Variants in STEAP1B observed in about 807,000 individuals in gnomAD.
The protein encoded by STEAP1B is STEAP family member 1B.
STEAP1B carries 13 observed loss-of-function variants against 27.9 expected under a neutral mutation model. The observed-to-expected ratio is 0.47, with a 90% CI of 0.30 to 0.74. STEAP1B has a LOEUF of 0.74. Among genes scored for constraint, STEAP1B ranks in the 30% least tolerant of loss-of-function variants. The pLI is 0.06. For missense variants in STEAP1B, 250 were observed against 298.7 expected (o/e 0.84, Z 1.20); for synonymous variants, 86 against 107.1 (o/e 0.80, Z 1.22).
chr7:22,493,702 C>G lies in STEAP1B; in HGVS notation c.219G>C (p.Leu73Phe), dbSNP rs1296429527. The change falls in exon 3 of 5, where the codon TTG becomes TTC. Residue 73 changes from leucine to phenylalanine, a missense_variant. Coordinates refer to ENST00000678116, the MANE Select transcript of STEAP1B (RefSeq NM_001382447.1). ...HAQELFPQWH[L>F]PIKIAAVMAS... ...CCATAACAGCAGCTATTTTAATTGG[C>G]AAGTGCCACTGTGGAAAGAGTTCCT... is the stretch of plus-strand genomic sequence containing the variant. 2 of 1,613,868 alleles carry G rather than the reference C, an allele frequency of 1.2e-6. No individual in the cohort carries two copies. The highest frequency in any genetic ancestry group is 2.7e-5 in the African/African-American group (2 of 74,934).
chr7:22,438,452 T>C, intron 4 of STEAP1B: 1 of 1,530,428 alleles, frequency 6.5e-7, no homozygotes, highest in Non-Finnish European at 8.8e-7. Context: ...ATGTAAGATG[T>C]ATGAGCAGGG....
chr7:22,452,943 C>A (rs1321258526), intron 4 of STEAP1B, among the ~76,000 whole-genome samples: 1 of 152,086 alleles, frequency 6.6e-6, no homozygotes, highest in Non-Finnish European at 1.5e-5. Context: ...TTGAATCCTG[C>A]CCAAGAAGAG....
chr7:22,459,867 C>G lies in STEAP1B; in HGVS notation c.762+32698G>C, dbSNP rs75198623. Among the ~76,000 whole-genome samples the G allele has an allele frequency of 7.8e-4, 119 of 152,324 alleles. 1 individual carries two copies. The highest frequency in any genetic ancestry group is 2.4e-3 in the African/African-American group (100 of 41,572). Reference sequence around the variant, plus strand: ...TTCCTATTCAGCATTGCAGGCAATTCTCTTTCCATTTTGGTTCATATCTAG... The same window carrying G: ...TTCCTATTCAGCATTGCAGGCAATTGTCTTTCCATTTTGGTTCATATCTAG... On this transcript the variant is annotated intron_variant, in intron 4 of 4. Coordinates refer to ENST00000678116, the MANE Select transcript of STEAP1B (RefSeq NM_001382447.1).
intron 1 of STEAP1B, among the ~76,000 whole-genome samples, chr7:22,499,137 T>C (rs1043403974): frequency 1.4e-4 from 22 of 152,252 alleles, no homozygotes; most frequent in African/African-American, 5.3e-4. Flanking sequence ...AAGTTCTCTT[T>C]CACCCGCTTT....
At chr7:22,455,030 C>T (rs913524563) in intron 4 of STEAP1B, among the ~76,000 whole-genome samples, 1 of 151,672 alleles carries the variant, frequency 6.6e-6, no homozygotes. Flanking sequence ...ACCCAGCTAC[C>T]CTTTTTGTAT....
Position 22,493,441 on chromosome 7 carries a change from T to G in STEAP1B, c.480A>C (p.Thr160=). 6.2e-7 allele frequency: 1 copy of G among 1,613,642 alleles called. No homozygotes were observed. The highest frequency in any genetic ancestry group is 8.5e-7 in the Non-Finnish European group (1 of 1,179,588). Residue 160 remains threonine (T), a synonymous_variant, in exon 3 of 5, where the codon ACA becomes ACC. Transcript: ENST00000678116. ...FPHWLDKWML[T]RKQFGLLSLF... is the part of the protein sequence containing the mutation. ...AACTGAGAAGCCCAAACTGCTTTCT[T>G]GTTAACATCCACTTATCCAACCAAT...
intron 4 of STEAP1B, among the ~76,000 whole-genome samples, chr7:22,470,024 C>T (rs1785854132): frequency 6.6e-6 from 1 of 152,118 alleles, no homozygotes; most frequent in Non-Finnish European, 1.5e-5. Context: ...TTACATGTAC[C>T]TATATTACCT....
In STEAP1B at chr7:22,420,197, C is replaced by T. The variant is rs75209739; in HGVS notation, c.763-361G>A. Among the ~76,000 whole-genome samples the T allele has an allele frequency of 7.1e-3, 1,078 of 152,314 alleles. 9 individuals carry two copies. Among genetic ancestry groups the T allele is most frequent in the Non-Finnish European group, 0.012 (825 of 68,034 alleles). On this transcript the variant is annotated intron_variant, in intron 4 of 4. Transcript: ENST00000678116. ...TTGACTGATCAATGATGGTGACTCACTGGCTGAACTTGTGAATTGGGTAAC... is the reference window on the plus strand; with the variant it reads ...TTGACTGATCAATGATGGTGACTCATTGGCTGAACTTGTGAATTGGGTAAC...
chr7:22,455,209 C>G (rs1206541626), intron 4 of STEAP1B, among the ~76,000 whole-genome samples: 1 of 152,148 alleles, frequency 6.6e-6, no homozygotes, highest in African/African-American at 2.4e-5. Context: ...AGGGTCAAGT[C>G]ATTGTTGAGA....
intron 4 of STEAP1B, among the ~76,000 whole-genome samples, chr7:22,424,287 G>C (rs1261306162): frequency 6.6e-6 from 1 of 152,124 alleles, no homozygotes; most frequent in Non-Finnish European, 1.5e-5. Flanking sequence ...TACTTAGTTT[G>C]TAAAGACTTC....
intron 4 of STEAP1B, among the ~76,000 whole-genome samples, chr7:22,438,238 C>T (rs966995289): frequency 6.6e-6 from 1 of 152,170 alleles, no homozygotes; most frequent in Non-Finnish European, 1.5e-5. Flanking sequence ...TGAGCTCTCC[C>T]ATGGCCAACA....
At chr7:22,462,216 T>A (rs936239860) in intron 4 of STEAP1B, among the ~76,000 whole-genome samples, 1 of 152,182 alleles carries the variant, frequency 6.6e-6, no homozygotes, top group Non-Finnish European at 1.5e-5. Context: ...ATTTTTCTTT[T>A]CTCTTTTTTT....
At chr7:22,467,516 G>C (rs1785805545) in intron 4 of STEAP1B, among the ~76,000 whole-genome samples, 1 of 152,172 alleles carries the variant, frequency 6.6e-6, no homozygotes, top group African/African-American at 2.4e-5. Flanking sequence ...TCAAATTGTA[G>C]CTCCCATAAT....
intron 4 of STEAP1B, among the ~76,000 whole-genome samples, chr7:22,452,012 G>A (rs939639446): frequency 2.0e-5 from 3 of 152,160 alleles, no homozygotes; most frequent in South Asian, 4.1e-4. Context: ...AAGCCATTGG[G>A]TCCCAGGCTT....
intron 4 of STEAP1B, among the ~76,000 whole-genome samples, chr7:22,464,363 T>C (rs904527220): frequency 6.6e-6 from 1 of 152,144 alleles, no homozygotes; most frequent in Non-Finnish European, 1.5e-5. Context: ...TCGGGTTTAC[T>C]GAGGGTGTGT....
chr7:22,438,434 CT>C, intron 4 of STEAP1B: 1 of 1,510,706 alleles, frequency 6.6e-7, no homozygotes, highest in South Asian at 1.3e-5. Flanking sequence ...ATGGTCTGGT[CT>C]GCAAGTATGT....
chr7:22,444,319 GAGC>G (rs1725736634), intron 4 of STEAP1B, among the ~76,000 whole-genome samples: 1 of 152,178 alleles, frequency 6.6e-6, no homozygotes, highest in African/African-American at 2.4e-5. Context: ...GAGAGGGCGT[GAGC>G]AGGATTGGTG....
At chr7:22,490,725 A>C (rs1344530484) in intron 4 of STEAP1B, among the ~76,000 whole-genome samples, 2 of 152,190 alleles carry the variant, frequency 1.3e-5, no homozygotes, top group Non-Finnish European at 2.9e-5. Context: ...AGTCTACCTG[A>C]GAGTGTTCCC....
At chr7:22,453,769 C>T (rs1023112334) in intron 4 of STEAP1B, among the ~76,000 whole-genome samples, 1 of 152,230 alleles carries the variant, frequency 6.6e-6, no homozygotes, top group East Asian at 1.9e-4. Context: ...GTTGTTATAT[C>T]TCTTCTCAAA....
Sources: allele counts gnomAD v4.1 joint callset (sites outside exome capture counted in the v4.1 genomes callset), GRCh38; gene constraint gnomAD v4.1.1; transcripts MANE v1.5; gene names NCBI Gene and HGNC (gene_info 2026-07-23, HGNC 2026-07-21).